RELN: variants seen among roughly 807,000 people sequenced by gnomAD.
RELN encodes the protein reelin.
A neutral mutation model predicts 427.6 loss-of-function variants in RELN; 108 were observed. That is an observed-to-expected ratio of 0.25 (90% CI 0.22 to 0.30). The LOEUF is 0.30. Ranked by LOEUF, RELN falls within the 10% of genes least tolerant of loss-of-function variation. The pLI, the probability that RELN is intolerant of heterozygous loss-of-function variation, is 1.00. For missense variants in RELN, 3,715 were observed against 4,302.8 expected (o/e 0.86, Z 3.82); for synonymous variants, 1,524 against 1,513.4 (o/e 1.01, Z -0.16).
intron 16 of RELN, among the ~76,000 whole-genome samples, chr7:103,645,369 A>G (rs1196404196): frequency 6.6e-6 from 1 of 151,788 alleles, no homozygotes; most frequent in Non-Finnish European, 1.5e-5. Context: ...CCAACCATAT[A>G]CTGCTTACAA....
intron 25 of RELN, among the ~76,000 whole-genome samples, chr7:103,595,943 T>C (rs1288527984): frequency 6.6e-6 from 1 of 152,190 alleles, no homozygotes; most frequent in Non-Finnish European, 1.5e-5. Context: ...ATTACATATA[T>C]TCCCAATACA....
At chr7:103,833,995 C>T (rs1012942857) in intron 2 of RELN, among the ~76,000 whole-genome samples, 6 of 152,162 alleles carry the variant, frequency 3.9e-5, no homozygotes, top group Non-Finnish European at 8.8e-5. Flanking sequence ...TTGAAACTGT[C>T]TGCAGCAAGG....
chr7:103,672,039 G>T (rs892999754), intron 11 of RELN, among the ~76,000 whole-genome samples: 10 of 152,078 alleles, frequency 6.6e-5, no homozygotes, highest in African/African-American at 2.4e-4. Context: ...TGGATAGGAT[G>T]AATTAAAATT....
intron 5 of RELN, among the ~76,000 whole-genome samples, chr7:103,752,232 G>C (rs1360546010): frequency 6.6e-6 from 1 of 152,150 alleles, no homozygotes; most frequent in Non-Finnish European, 1.5e-5. Context: ...TAAGTAACTT[G>C]CTCAATATTG....
intron 13 of RELN, 124 bp from the exon 14 acceptor site, chr7:103,652,883 T>C (rs1832952390): frequency 1.2e-6 from 1 of 802,290 alleles, no homozygotes; most frequent in South Asian, 1.4e-5. Context: ...CCAGGACACG[T>C]CCTTTGTGTT....
intron 3 of RELN, among the ~76,000 whole-genome samples, chr7:103,816,530 AACAC>A (rs57873981): frequency 0.011 from 1,597 of 143,722 alleles, 32 homozygotes; most frequent in African/African-American, 0.037. Flanking sequence ...TTTCTCTAGA[AACAC>A]ACACACACAC....
chr7:103,735,942 G>A (rs558948102), intron 6 of RELN, among the ~76,000 whole-genome samples: 34 of 152,244 alleles, frequency 2.2e-4, no homozygotes, highest in African/African-American at 8.2e-4. Flanking sequence ...CTTTTGTTCT[G>A]ATTACTTAAA....
At chr7:103,805,275 C>T (rs1251522270) in intron 3 of RELN, among the ~76,000 whole-genome samples, 2 of 152,088 alleles carry the variant, frequency 1.3e-5, no homozygotes, top group South Asian at 2.1e-4. Flanking sequence ...TGTGAAAGTG[C>T]TTTGTAAACA....
rs77118106 is a variant in RELN, at chr7:103,914,272, T to C, written c.337+2803A>G. On this transcript the variant is annotated intron_variant, in intron 2 of 64. Transcript: ENST00000428762. Reference sequence around the variant, plus strand: ...AATGTGCTTACAACACACTTAGGAATGATCTTTAATGATTTTCCTTATGTA... The same window carrying C: ...AATGTGCTTACAACACACTTAGGAACGATCTTTAATGATTTTCCTTATGTA... Among the ~76,000 whole-genome samples the C allele has an allele frequency of 9.1e-3, 1,383 of 152,230 alleles. 18 individuals are homozygous for C. Among genetic ancestry groups the C allele is most frequent in the African/African-American group, 0.031 (1,284 of 41,546 alleles).
At chr7:103,712,359 AT>A (rs1314876346) in intron 8 of RELN, among the ~76,000 whole-genome samples, 1 of 152,202 alleles carries the variant, frequency 6.6e-6, no homozygotes, top group Non-Finnish European at 1.5e-5. Flanking sequence ...GAATAGCGTG[AT>A]TTGATATAAA....
chr7:103,836,113 C>A (rs1377258151), intron 2 of RELN, among the ~76,000 whole-genome samples: 2 of 152,240 alleles, frequency 1.3e-5, no homozygotes, highest in East Asian at 3.9e-4. Flanking sequence ...CAGGTGCCTG[C>A]CACCACAGCC....
intron 43 of RELN, 129 bp downstream of exon 43, chr7:103,542,602 A>G: frequency 1.1e-6 from 1 of 896,154 alleles, no homozygotes; most frequent in Non-Finnish European, 1.8e-6. Flanking sequence ...GCTTTGATAA[A>G]GAGAGAAGTT....
chr7:103,643,214 CCT>C (rs1302184641), intron 16 of RELN, among the ~76,000 whole-genome samples: 25 of 152,128 alleles, frequency 1.6e-4, no homozygotes, highest in African/African-American at 5.8e-4. Context: ...ATAAAATTGA[CCT>C]CAAATCAGTG....
intron 2 of RELN, among the ~76,000 whole-genome samples, chr7:103,892,133 C>T (rs1794863682): frequency 6.6e-6 from 1 of 152,210 alleles, no homozygotes; most frequent in Non-Finnish European, 1.5e-5. Flanking sequence ...TGAGCCAAGA[C>T]AGTTAAGAAG....
chr7:103,716,367 A>T (rs73177989), intron 8 of RELN, among the ~76,000 whole-genome samples: 5,100 of 152,238 alleles, frequency 0.034, 126 homozygotes, highest in Middle Eastern at 0.16. Flanking sequence ...TGAACTTCTC[A>T]AAGATTGGGG....
At position 103,589,896 on chromosome 7, in the gene RELN, C is replaced by T. The variant is rs1243196202; in HGVS notation, c.3913-68G>A. The T allele has an allele frequency of 8.5e-6, 8 of 935,992 alleles. No individual in the cohort carries two copies. In the South Asian group the frequency reaches 9.3e-5, roughly 11 times the overall value. 58.0% of individuals were successfully genotyped at this position (935,992 alleles called of 1,614,324 possible). On this transcript the variant is annotated intron_variant, in intron 27 of 64. Transcript: ENST00000428762. ...AAGTCATCACTCAACAAATTAGATG[C>T]TACAGCATCCAGGGTGCCTTCCAAT...
chr7:103,955,930 G>A (rs535367188), intron 1 of RELN, among the ~76,000 whole-genome samples: 5 of 152,254 alleles, frequency 3.3e-5, no homozygotes, highest in African/African-American at 9.6e-5. Context: ...GTATCAGATC[G>A]GGATAGCCTT....
At chr7:103,888,351 C>G (rs1177473484) in intron 2 of RELN, among the ~76,000 whole-genome samples, 1 of 152,050 alleles carries the variant, frequency 6.6e-6, no homozygotes, top group Non-Finnish European at 1.5e-5. Context: ...CTTGCTCTCC[C>G]CACCTTACCA....
chr7:103,957,124 A>G (rs114495036), intron 1 of RELN, among the ~76,000 whole-genome samples: 4,359 of 152,268 alleles, frequency 0.029, 81 homozygotes, highest in Middle Eastern at 0.058. Flanking sequence ...GGCTTCATCA[A>G]GCCATTCTCA....
Sources: allele counts gnomAD v4.1 joint callset (sites outside exome capture counted in the v4.1 genomes callset), GRCh38; gene constraint gnomAD v4.1.1; transcripts MANE v1.5; gene names NCBI Gene and HGNC (gene_info 2026-07-23, HGNC 2026-07-21).